OR1J2: variants seen among roughly 807,000 people sequenced by gnomAD.
The protein encoded by OR1J2 is olfactory receptor 1J2.
For missense variants in OR1J2, 304 were observed against 246.1 expected, an observed-to-expected ratio of 1.24 and a Z score of -1.57; for synonymous variants, 142 against 99.7, an observed-to-expected ratio of 1.42 and a Z score of -2.52.
chr9:122,458,454 A>G, the OR1J2 span, among the ~76,000 whole-genome samples: 27 of 152,342 alleles, frequency 1.8e-4, no homozygotes, highest in East Asian at 4.8e-3. Flanking sequence ...TGGGTAATTT[A>G]TAAAGAAAAA....
At chr9:122,510,150 T>A (rs1564182875), upstream of OR1J2, among the ~76,000 whole-genome samples, 2 of 152,228 alleles carry the variant, frequency 1.3e-5, no homozygotes, top group East Asian at 3.9e-4. Flanking sequence ...GAACTTAAAT[T>A]AGGAATACTA....
At chr9:122,502,135 G>C in the OR1J2 span, among the ~76,000 whole-genome samples, 5 of 152,160 alleles carry the variant, frequency 3.3e-5, no homozygotes, top group Admixed American at 1.3e-4. Flanking sequence ...CTTAAGAAAG[G>C]AAATAAAAAT....
the OR1J2 span, among the ~76,000 whole-genome samples, chr9:122,457,054 A>G: frequency 6.6e-6 from 1 of 152,242 alleles, no homozygotes; most frequent in Non-Finnish European, 1.5e-5. Context: ...AAAAGGAATG[A>G]GATCATGTCC....
chr9:122,483,949 C>G, the OR1J2 span, among the ~76,000 whole-genome samples: 1 of 152,082 alleles, frequency 6.6e-6, no homozygotes, highest in East Asian at 1.9e-4. Flanking sequence ...AAAAATTTGT[C>G]TCAGGTAAAC....
the OR1J2 span, chr9:122,553,287 G>A: frequency 1.9e-6 from 3 of 1,613,992 alleles, no homozygotes; most frequent in South Asian, 1.1e-5. Flanking sequence ...GTGGCCAGAG[G>A]AGCAGCCTCT....
upstream of OR1J2, chr9:122,510,691 C>A: frequency 1.4e-6 from 1 of 690,374 alleles, no homozygotes; most frequent in Non-Finnish European, 2.5e-6. Flanking sequence ...TTGTTCCTCT[C>A]CCTGTGTCTA....
chr9:122,508,197 A>G (rs985343359), upstream of OR1J2, among the ~76,000 whole-genome samples: 11 of 146,358 alleles, frequency 7.5e-5, no homozygotes, highest in East Asian at 3.9e-4. Context: ...GAAGAAGAAG[A>G]AGGAGGAGAA....
chr9:122,488,632 G>A, the OR1J2 span, among the ~76,000 whole-genome samples: 8 of 152,196 alleles, frequency 5.3e-5, no homozygotes, highest in Non-Finnish European at 1.0e-4. Context: ...GGCTCAAAAA[G>A]TATTCTTTGA....
At chr9:122,520,650 C>T in the OR1J2 span, among the ~76,000 whole-genome samples, 1 of 152,206 alleles carries the variant, frequency 6.6e-6, no homozygotes, top group Non-Finnish European at 1.5e-5. Flanking sequence ...GTTTATGAAG[C>T]TTTCTGACTA....
chr9:122,492,645 A>C, the OR1J2 span, among the ~76,000 whole-genome samples: 10 of 152,130 alleles, frequency 6.6e-5, no homozygotes, highest in Non-Finnish European at 1.5e-5. Context: ...TTTTCTCTGC[A>C]GCCTCACCGA....
the OR1J2 span, among the ~76,000 whole-genome samples, chr9:122,544,501 C>A: frequency 1.3e-5 from 2 of 150,348 alleles, no homozygotes; most frequent in Non-Finnish European, 3.0e-5. Flanking sequence ...GCTCACCGCA[C>A]CCTCCGCCTC....
chr9:122,476,120 C>T, the OR1J2 span, among the ~76,000 whole-genome samples: 1 of 152,176 alleles, frequency 6.6e-6, no homozygotes, highest in South Asian at 2.1e-4. Flanking sequence ...ACTGAGGTGA[C>T]ATTTATTTTG....
chr9:122,567,777 C>T, the OR1J2 span: 1 of 1,613,966 alleles, frequency 6.2e-7, no homozygotes, highest in Non-Finnish European at 8.5e-7. Context: ...TTTGCGTTTC[C>T]CAGAAGTAGA....
At chr9:122,569,745 T>C in the OR1J2 span, among the ~76,000 whole-genome samples, 7 of 152,100 alleles carry the variant, frequency 4.6e-5, no homozygotes, top group African/African-American at 1.7e-4. Context: ...TTGTTACATA[T>C]GTATACATGT....
chr9:122,517,372 G>A, the OR1J2 span, among the ~76,000 whole-genome samples: 12 of 152,118 alleles, frequency 7.9e-5, no homozygotes, highest in African/African-American at 2.7e-4. Context: ...GGGTCCATTC[G>A]GAACTCTGTT....
the OR1J2 span, among the ~76,000 whole-genome samples, chr9:122,488,897 C>T: frequency 1.3e-5 from 2 of 151,846 alleles, no homozygotes; most frequent in Non-Finnish European, 2.9e-5. Flanking sequence ...GGTACATGTG[C>T]AGAATGTGCA....
chr9:122,557,364 A>G, the OR1J2 span, among the ~76,000 whole-genome samples: 1 of 152,074 alleles, frequency 6.6e-6, no homozygotes, highest in African/African-American at 2.4e-5. Context: ...AGTTTTTAAA[A>G]TAGATATCCT....
chr9:122,510,531 G>A (rs1828611378), upstream of OR1J2, among the ~76,000 whole-genome samples: 2 of 151,906 alleles, frequency 1.3e-5, no homozygotes, highest in African/African-American at 4.8e-5. Context: ...TACATGTGCA[G>A]GATGTGCAGG....
chr9:122,534,314 A>G, the OR1J2 span, among the ~76,000 whole-genome samples: 1 of 152,176 alleles, frequency 6.6e-6, no homozygotes, highest in Non-Finnish European at 1.5e-5. Flanking sequence ...CAGATTGGGT[A>G]GTAAAATGTA....
Sources: gnomAD v4.1 joint callset for allele counts (sites outside exome capture counted in the v4.1 genomes callset) on GRCh38, gnomAD v4.1.1 for gene constraint, MANE v1.5 for transcripts, NCBI Gene and HGNC (gene_info 2026-07-23, HGNC 2026-07-21) for gene names.